Variants in STRADA observed in about 807,000 individuals in gnomAD.
STRADA encodes the protein STE20-related kinase adapter protein alpha.
STRADA carries 26 observed loss-of-function variants against 55.0 expected under a neutral mutation model. That is an observed-to-expected ratio of 0.47 (90% CI 0.35 to 0.66). The LOEUF (loss-of-function observed/expected upper bound fraction) is 0.66, where lower values mean the gene tolerates loss of function less well. Among genes scored for constraint, STRADA ranks in the 30% least tolerant of loss-of-function variants. STRADA has a pLI of 0.01. For missense variants in STRADA, 443 were observed against 549.7 expected (o/e 0.81, Z 1.94); for synonymous variants, 197 against 210.9 (o/e 0.93, Z 0.57).
chr17:63,737,277 A>AAAAAAAAAAAAAAAAAAAG (rs2038514342), intron 1 of STRADA: 2 of 143,504 alleles, frequency 1.4e-5, no homozygotes, highest in East Asian at 2.1e-4. Flanking sequence ...AAAAAAAAAA[A>AAAAAAAAAAAAAAAAAAAG]TTGAGATAGT....
intron 1 of STRADA, among the ~76,000 whole-genome samples, chr17:63,733,986 T>G (rs1403233702): frequency 6.6e-6 from 1 of 152,224 alleles, no homozygotes; most frequent in Non-Finnish European, 1.5e-5. Context: ...TGTATTCTTC[T>G]GTTGAAATAA....
intron 8 of STRADA, 98 bp from the exon 9 acceptor site, chr17:63,707,516 TGC>T: frequency 8.5e-7 from 1 of 1,173,706 alleles, no homozygotes; most frequent in Non-Finnish European, 1.2e-6. Context: ...CTCTCCTGTG[TGC>T]GTGTGTTATA....
At position 63,741,796 on chromosome 17, in the gene STRADA, T is replaced by C; in HGVS notation, c.-100A>G. ...CGTCTTGGCTCCGCCTCCTCAGTTT[T>C]ACTGCCGCGCCGCCGCCAGACCGGT... On this transcript the variant is annotated 5_prime_UTR_variant, in exon 1 of 13. Coordinates refer to ENST00000336174, the MANE Select transcript of STRADA (RefSeq NM_001003787.4). 6.5e-6 allele frequency: 1 copy of C among 153,312 alleles called. No homozygotes were observed. The highest frequency in any genetic ancestry group is 1.5e-5 in the Non-Finnish European group (1 of 68,804). The allele number at this position is 153,312 out of a possible 1,614,324, so 9.5% of individuals were successfully genotyped here.
chr17:63,703,510 A>T lies in STRADA; in HGVS notation c.*89T>A. The T allele has an allele frequency of 4.7e-6, 6 of 1,278,088 alleles. No individual in the cohort carries two copies. The highest frequency in any genetic ancestry group is 6.5e-6 in the Non-Finnish European group (6 of 926,122). The allele number at this position is 1,278,088 out of a possible 1,614,324, so 79.2% of individuals were successfully genotyped here. A position where few individuals can be genotyped will look rare whatever the true frequency, so the allele number is the denominator to read the frequency against. On this transcript the variant is annotated 3_prime_UTR_variant, in exon 13 of 13. Transcript: ENST00000336174. ...AATGTCCTTTCTACCCAATCTGCCC[A>T]GGAGGGCGGGAATGTGGCCGGCCCT...
chr17:63,704,721 T>C (rs1248952905), intron 10 of STRADA, 139 bp from the exon 11 acceptor site: 1 of 1,512,210 alleles, frequency 6.6e-7, no homozygotes, highest in African/African-American at 1.4e-5. Flanking sequence ...AAGGTGGAAG[T>C]GGAGTAAGTC....
intron 3 of STRADA, 147 bp downstream of exon 3, chr17:63,726,490 CA>C: frequency 1.4e-6 from 1 of 696,972 alleles, no homozygotes; most frequent in Non-Finnish European, 2.2e-6. Flanking sequence ...TTTGGGAAAC[CA>C]TAAATTCAAA....
intron 10 of STRADA, chr17:63,705,358 T>A (rs1310934076): frequency 1.6e-5 from 3 of 182,798 alleles, no homozygotes; most frequent in Non-Finnish European, 3.5e-5. Context: ...AAGCCCTCCT[T>A]CGCTGCAGCA....
intron 4 of STRADA, among the ~76,000 whole-genome samples, chr17:63,720,270 G>A (rs2037207531): frequency 6.6e-6 from 1 of 151,860 alleles, no homozygotes. Flanking sequence ...GAACTCCTGG[G>A]CTTAAGGGAT....
At chr17:63,732,098 G>C (rs932255589) in intron 1 of STRADA, among the ~76,000 whole-genome samples, 4 of 152,032 alleles carry the variant, frequency 2.6e-5, no homozygotes, top group Non-Finnish European at 4.4e-5. Flanking sequence ...TCGATCTCCT[G>C]ACCTTGTGAT....
At chr17:63,719,448 T>G (rs1044427376) in intron 4 of STRADA, among the ~76,000 whole-genome samples, 1 of 152,082 alleles carries the variant, frequency 6.6e-6, no homozygotes, top group Non-Finnish European at 1.5e-5. Flanking sequence ...TTATGTACTT[T>G]AAATAACTCC....
chr17:63,725,260 GACCAAAAAA>G (rs1349519252), intron 3 of STRADA, among the ~76,000 whole-genome samples: 1 of 151,892 alleles, frequency 6.6e-6, no homozygotes, highest in East Asian at 1.9e-4. Flanking sequence ...AATAAAACAA[GACCAAAAAA>G]ACCTATCTGG....
At chr17:63,717,168 A>G (rs890598647) in intron 4 of STRADA, 16 of 152,242 alleles carry the variant, frequency 1.1e-4, no homozygotes, top group Admixed American at 9.2e-4. Flanking sequence ...TTGAACAAAT[A>G]AAATGGAAAA....
At position 63,703,581 on chromosome 17, in the gene STRADA, C is replaced by T. The variant is rs570794684; in HGVS notation, c.*18G>A. On this transcript the variant is annotated 3_prime_UTR_variant, in exon 13 of 13. Coordinates refer to ENST00000336174, the MANE Select transcript of STRADA (RefSeq NM_001003787.4). ...CCTCTGCATCCCTGGCTGGAGAATG[C>T]GCACAGTTTGCAGAGGCTCAGAACT... The T allele has an allele frequency of 5.8e-5, 94 of 1,607,762 alleles. 1 individual carries two copies. Among genetic ancestry groups the T allele is most frequent in the Non-Finnish European group, 7.1e-5 (83 of 1,176,612 alleles).
intron 10 of STRADA, chr17:63,705,776 C>G (rs1486582050): frequency 6.6e-6 from 1 of 152,294 alleles, no homozygotes; most frequent in Non-Finnish European, 1.5e-5. Flanking sequence ...TTTCTAGACT[C>G]TGGGTCTCTG....
chr17:63,707,169 C>T (rs530389023), intron 9 of STRADA, 78 bp downstream of exon 9: 10 of 1,572,656 alleles, frequency 6.4e-6, no homozygotes, highest in Admixed American at 5.1e-5. Context: ...TGAGAGCCCC[C>T]GACTCCAGGC....
Position 63,703,374 on chromosome 17 carries a change from C to G in STRADA, c.*225G>C. 1.9e-6 allele frequency: 1 copy of G among 522,172 alleles called. No homozygotes were observed. The highest frequency in any genetic ancestry group is 3.4e-6 in the Non-Finnish European group (1 of 294,548). 32.3% of individuals were successfully genotyped at this position (522,172 alleles called of 1,614,324 possible). A position where few individuals can be genotyped will look rare whatever the true frequency, so the allele number is the denominator to read the frequency against. On this transcript the variant is annotated 3_prime_UTR_variant, in exon 13 of 13. Coordinates refer to ENST00000336174, the MANE Select transcript of STRADA (RefSeq NM_001003787.4). ...GGACTGGGAATGTCGGCTTTGGACC[C>G]TCCTGATCCCTGGTTGTTGAGATTC... is the stretch of plus-strand genomic sequence containing the variant.
intron 3 of STRADA, chr17:63,725,671 TC>T (rs1181829337): frequency 2.0e-5 from 3 of 150,264 alleles, no homozygotes; most frequent in Non-Finnish European, 4.4e-5. Flanking sequence ...TTTCTTTCTT[TC>T]CTTTTTTTTT....
intron 3 of STRADA, chr17:63,726,386 C>T: frequency 2.6e-6 from 1 of 390,966 alleles, no homozygotes; most frequent in Non-Finnish European, 4.5e-6. Context: ...TGTATTTCAC[C>T]TGGACAAAAG....
chr17:63,708,095 A>T (rs573673644), intron 8 of STRADA, among the ~76,000 whole-genome samples: 2 of 152,224 alleles, frequency 1.3e-5, no homozygotes, highest in Non-Finnish European at 2.9e-5. Flanking sequence ...TGGCCATGCC[A>T]GTCTTGAACT....
Sources: allele counts gnomAD v4.1 joint callset (sites outside exome capture counted in the v4.1 genomes callset), GRCh38; gene constraint gnomAD v4.1.1; transcripts MANE v1.5; gene names NCBI Gene and HGNC (gene_info 2026-07-23, HGNC 2026-07-21).